The following COL21A1 variants were observed in gnomAD, a reference collection of about 807,000 sequenced individuals.
COL21A1 encodes the protein collagen type XXI alpha 1 chain, also known as collagen alpha-1(XXI) chain.
A neutral mutation model predicts 137.9 loss-of-function variants in COL21A1; 149 were observed. That is an observed-to-expected ratio of 1.08 (90% CI 0.95 to 1.24). The LOEUF (loss-of-function observed/expected upper bound fraction) is 1.24. COL21A1 is among the 50% of genes most tolerant of loss of function. The pLI, the probability that COL21A1 is intolerant of heterozygous loss-of-function variation, is 0.00. For synonymous variants in COL21A1, 456 were observed against 391.5 expected (o/e 1.16, Z -1.95); for missense variants, 1,167 against 1,158.4 (o/e 1.01, Z -0.11).
In COL21A1 at chr6:56,247,372, G is replaced by A. The variant is rs889761257; in HGVS notation, c.-39+15C>T. ...CATTCTGGCAGCGAGAGGGGAGTAG[G>A]AGGTGTCTCCTTACCTGGCGCAGTG... On this transcript the variant is annotated intron_variant, in intron 1 of 29. Coordinates refer to ENST00000244728, the MANE Select transcript of COL21A1 (RefSeq NM_030820.4). 2 of 152,270 alleles carry A rather than the reference G, an allele frequency of 1.3e-5. No individual in the cohort carries two copies. Among genetic ancestry groups the A allele is most frequent in the African/African-American group, 4.8e-5 (2 of 41,430 alleles). 9.4% of individuals were successfully genotyped at this position (152,270 alleles called of 1,614,324 possible). A position where few individuals can be genotyped will look rare whatever the true frequency, so the allele number is the denominator to read the frequency against.
chr6:56,194,348 A>G (rs528816531), intron 1 of COL21A1, among the ~76,000 whole-genome samples: 2 of 152,322 alleles, frequency 1.3e-5, no homozygotes, highest in South Asian at 4.1e-4. Flanking sequence ...TTCATTATAC[A>G]CATGTTTATG....
At chr6:56,300,250 G>C (rs1764251045) in intron 1 of COL21A1, among the ~76,000 whole-genome samples, 1 of 152,064 alleles carries the variant, frequency 6.6e-6, no homozygotes, top group Non-Finnish European at 1.5e-5. Context: ...GAAATAATCA[G>C]AGTAGAGGCT....
intron 1 of COL21A1, among the ~76,000 whole-genome samples, chr6:56,288,323 G>A (rs954090419): frequency 6.6e-6 from 1 of 151,758 alleles, no homozygotes; most frequent in African/African-American, 2.4e-5. Context: ...ACTCTGGTGT[G>A]GAAAACACTC....
chr6:56,178,136 C>T (rs928489915), intron 3 of COL21A1, among the ~76,000 whole-genome samples: 1 of 152,102 alleles, frequency 6.6e-6, no homozygotes, highest in African/African-American at 2.4e-5. Flanking sequence ...AACATTTTAT[C>T]AGTTACATTT....
chr6:56,179,434 T>G, intron 3 of COL21A1, 144 bp downstream of exon 3: 3 of 676,408 alleles, frequency 4.4e-6, no homozygotes, highest in Non-Finnish European at 7.1e-6. Flanking sequence ...AAATATAACA[T>G]TTATAACATT....
chr6:56,341,956 TA>T lies in COL21A1; in HGVS notation c.-39+52014del, dbSNP rs1328247810. On this transcript the variant is annotated intron_variant, in intron 1 of 28. Transcript: ENST00000370819. ...TAATGATAAAAATATTTTTGAAATT[TA>T]AAAAAATTACACTTGTAAAAAATGA... is the stretch of plus-strand genomic sequence containing the variant. 3.9e-5 allele frequency among the ~76,000 whole-genome samples: 6 copies of T among 152,172 alleles called. No individual in the cohort carries two copies. The South Asian group carries it at 1.0e-3, about 26-fold the overall frequency.
intron 1 of COL21A1, among the ~76,000 whole-genome samples, chr6:56,351,147 C>T: frequency 1.3e-5 from 2 of 152,228 alleles, no homozygotes; most frequent in East Asian, 3.9e-4. Context: ...TAATAAGCTG[C>T]CCACTTTGAT....
At chr6:56,104,570 C>G (rs1339844320) in intron 16 of COL21A1, among the ~76,000 whole-genome samples, 2 of 152,036 alleles carry the variant, frequency 1.3e-5, no homozygotes, top group African/African-American at 2.4e-5. Context: ...CCTGGATAAC[C>G]TGGTGCAGGT....
At chr6:56,136,936 C>A (rs1774050806) in intron 12 of COL21A1, among the ~76,000 whole-genome samples, 1 of 152,116 alleles carries the variant, frequency 6.6e-6, no homozygotes, top group East Asian at 1.9e-4. Flanking sequence ...CCCTGCCTAT[C>A]TTCTTGGCTC....
Position 56,057,599 on chromosome 6 carries a change from G to C in COL21A1, c.*58C>G. 1 of 1,516,280 alleles carries C rather than the reference G, an allele frequency of 6.6e-7. No individual in the cohort carries two copies. Among genetic ancestry groups the C allele is most frequent in the Non-Finnish European group, 9.1e-7 (1 of 1,096,852 alleles). 93.9% of individuals were successfully genotyped at this position (1,516,280 alleles called of 1,614,324 possible). On this transcript the variant is annotated 3_prime_UTR_variant, in exon 30 of 30. Transcript: ENST00000244728. ...GGATTACTGTTGGTTATCTTCCTGA[G>C]ATGCAAAAGACCACAGAAAAAGCAC...
chr6:56,057,654 A>G lies in COL21A1; in HGVS notation c.*3T>C, dbSNP rs2114011950. ...CCTAGGCTGCTGAATGAGGCATCAG[A>G]CACTAATAGTTTGGTCCTTTTCTGA... On this transcript the variant is annotated 3_prime_UTR_variant, in exon 30 of 30. Transcript: ENST00000244728. The G allele has an allele frequency of 5.0e-6, 8 of 1,612,604 alleles. No homozygotes were observed. The highest frequency in any genetic ancestry group is 1.3e-5 in the African/African-American group (1 of 74,980).
At chr6:56,130,305 G>A (rs1773455403) in intron 12 of COL21A1, among the ~76,000 whole-genome samples, 1 of 149,400 alleles carries the variant, frequency 6.7e-6, no homozygotes, top group South Asian at 2.1e-4. Flanking sequence ...CCTTTTGCTT[G>A]GAGCAGGAAT....
chr6:56,330,154 G>A (rs1765184708), intron 1 of COL21A1, among the ~76,000 whole-genome samples: 1 of 151,732 alleles, frequency 6.6e-6, no homozygotes, highest in Non-Finnish European at 1.5e-5. Context: ...AATATACTGG[G>A]CATGTTTAAG....
At chr6:56,362,844 C>T (rs984069446) in intron 1 of COL21A1, among the ~76,000 whole-genome samples, 2 of 152,102 alleles carry the variant, frequency 1.3e-5, no homozygotes, top group Admixed American at 6.6e-5. Flanking sequence ...TCCCAGGTCC[C>T]GGGCCGGTGC....
At chr6:56,174,252 A>G (rs2152275735) in intron 3 of COL21A1, among the ~76,000 whole-genome samples, 1 of 152,188 alleles carries the variant, frequency 6.6e-6, no homozygotes, top group African/African-American at 2.4e-5. Flanking sequence ...TCAAATAAAC[A>G]ACTTTATACC....
intron 1 of COL21A1, among the ~76,000 whole-genome samples, chr6:56,245,576 A>G (rs1009078125): frequency 6.6e-6 from 1 of 152,222 alleles, no homozygotes; most frequent in Non-Finnish European, 1.5e-5. Context: ...TTAACTTACT[A>G]TGCTAGGCAC....
intron 1 of COL21A1, among the ~76,000 whole-genome samples, chr6:56,280,012 G>T (rs899215927): frequency 1.3e-5 from 2 of 151,944 alleles, no homozygotes; most frequent in African/African-American, 4.8e-5. Flanking sequence ...CACACATACA[G>T]ACACACACAG....
chr6:56,126,207 A>T (rs1351306049), intron 12 of COL21A1, 58 bp from the exon 13 acceptor site: 2 of 1,111,470 alleles, frequency 1.8e-6, no homozygotes, highest in African/African-American at 3.1e-5. Flanking sequence ...AAACAATATC[A>T]TCATCTATTC....
chr6:56,205,361 G>A (rs535585377), intron 1 of COL21A1, among the ~76,000 whole-genome samples: 2 of 152,044 alleles, frequency 1.3e-5, no homozygotes, highest in African/African-American at 2.4e-5. Flanking sequence ...TAGCCAAATC[G>A]ATCAAGAGGA....
Sources: gnomAD v4.1 joint callset for allele counts (sites outside exome capture counted in the v4.1 genomes callset) on GRCh38, gnomAD v4.1.1 for gene constraint, MANE v1.5 for transcripts, NCBI Gene and HGNC (gene_info 2026-07-23, HGNC 2026-07-21) for gene names.